The following TASP1 variants were observed in gnomAD, a reference collection of about 807,000 sequenced individuals.
The protein encoded by TASP1 is threonine aspartase 1.
In TASP1, 16 loss-of-function variants were observed where a neutral mutation model predicts 56.6. That is an observed-to-expected ratio of 0.28 (90% CI 0.19 to 0.43). The LOEUF (loss-of-function observed/expected upper bound fraction) is 0.43, where lower values mean the gene tolerates loss of function less well. Among genes scored for constraint, TASP1 ranks in the 20% least tolerant of loss-of-function variants. The pLI is 1.00. For synonymous variants in TASP1, 179 were observed against 184.2 expected, an observed-to-expected ratio of 0.97 and a Z score of 0.23; for missense variants, 393 against 511.6, an observed-to-expected ratio of 0.77 and a Z score of 2.24.
chr20:13,595,533 C>T (rs2047695316), intron 4 of TASP1, among the ~76,000 whole-genome samples: 1 of 152,054 alleles, frequency 6.6e-6, no homozygotes, highest in African/African-American at 2.4e-5. Context: ...GGAGGAAGAT[C>T]TAACAAGCAA....
At chr20:13,364,525 T>A in the TASP1 span, among the ~76,000 whole-genome samples, 8 of 152,200 alleles carry the variant, frequency 5.3e-5, no homozygotes, top group Admixed American at 2.0e-4. Context: ...TTTGTCCCCA[T>A]AGTGACCAAA....
chr20:13,306,275 CTA>C, the TASP1 span, among the ~76,000 whole-genome samples: 1 of 151,908 alleles, frequency 6.6e-6, no homozygotes, highest in Non-Finnish European at 1.5e-5. Context: ...AATTTTTTTT[CTA>C]TGTTGTTTAG....
the TASP1 span, among the ~76,000 whole-genome samples, chr20:13,352,654 T>A: frequency 6.6e-6 from 1 of 152,212 alleles, no homozygotes; most frequent in Non-Finnish European, 1.5e-5. Flanking sequence ...GTGGCCTTTT[T>A]TAATTGTCAT....
the TASP1 span, among the ~76,000 whole-genome samples, chr20:13,344,239 T>C: frequency 6.6e-6 from 1 of 151,972 alleles, no homozygotes; most frequent in African/African-American, 2.4e-5. Context: ...GGGACAGTCT[T>C]AGGGACGACC....
At chr20:13,557,225 AC>A (rs2046187031) in intron 8 of TASP1, among the ~76,000 whole-genome samples, 1 of 152,242 alleles carries the variant, frequency 6.6e-6, no homozygotes, top group Non-Finnish European at 1.5e-5. Context: ...CAACAGGAAA[AC>A]GGATAAACAA....
the TASP1 span, among the ~76,000 whole-genome samples, chr20:13,343,883 G>A: frequency 6.8e-6 from 1 of 146,696 alleles, no homozygotes; most frequent in African/African-American, 2.6e-5. Flanking sequence ...TCCCAAACCT[G>A]ACTGGGCAGC....
chr20:13,614,796 T>C (rs575261384), intron 4 of TASP1: 23 of 469,540 alleles, frequency 4.9e-5, no homozygotes, highest in South Asian at 3.6e-4. Context: ...GTTTTAAACT[T>C]TGTTTTAGTT....
the TASP1 span, chr20:13,126,819 C>A: frequency 2.8e-6 from 4 of 1,419,762 alleles, no homozygotes; most frequent in African/African-American, 1.4e-5. Context: ...CTTATAGAAC[C>A]CTATTTGTAA....
At chr20:13,538,616 C>CT (rs2146929233) in intron 8 of TASP1, among the ~76,000 whole-genome samples, 1 of 152,276 alleles carries the variant, frequency 6.6e-6, no homozygotes, top group Admixed American at 6.5e-5. Context: ...TTTCACATCT[C>CT]TGAGTATCCT....
At chr20:13,167,295 A>T in the TASP1 span, 142 of 149,318 alleles carry the variant, frequency 9.5e-4, no homozygotes, top group African/African-American at 3.4e-3. Context: ...TTGATTATTG[A>T]GTCTTGATAA....
At chr20:13,248,162 A>C in the TASP1 span, among the ~76,000 whole-genome samples, 1 of 152,136 alleles carries the variant, frequency 6.6e-6, no homozygotes, top group African/African-American at 2.4e-5. Flanking sequence ...ATAGTAGTAC[A>C]TTTCTTTGTG....
At chr20:13,500,015 T>C (rs2043885441) in intron 10 of TASP1, among the ~76,000 whole-genome samples, 1 of 151,408 alleles carries the variant, frequency 6.6e-6, no homozygotes, top group African/African-American at 2.4e-5. Context: ...GGTTGAAAAA[T>C]TACCTACTGG....
chr20:13,421,953 C>CTTTTTTTTTTTTT (rs1179688722), intron 12 of TASP1, among the ~76,000 whole-genome samples: 26 of 139,036 alleles, frequency 1.9e-4, no homozygotes, highest in African/African-American at 4.9e-4. Flanking sequence ...TCTGTTTAAC[C>CTTTTTTTTTTTTT]TTTTTTTTTT....
chr20:13,223,499 C>T, the TASP1 span, among the ~76,000 whole-genome samples: 1 of 152,192 alleles, frequency 6.6e-6, no homozygotes, highest in African/African-American at 2.4e-5. Context: ...AAAGTTCAGA[C>T]ATTCCAAACT....
chr20:13,270,718 T>G, the TASP1 span: 3 of 1,613,766 alleles, frequency 1.9e-6, no homozygotes, highest in African/African-American at 4.0e-5. Flanking sequence ...AAAGCTGATA[T>G]CAATGGGCAG....
chr20:13,181,740 T>C, the TASP1 span, among the ~76,000 whole-genome samples: 1 of 152,182 alleles, frequency 6.6e-6, no homozygotes, highest in Admixed American at 6.5e-5. Flanking sequence ...CACCTCTTTT[T>C]AGATGAGTTG....
the TASP1 span, among the ~76,000 whole-genome samples, chr20:13,323,342 C>G: frequency 6.6e-6 from 1 of 152,136 alleles, no homozygotes. Context: ...TCAGGCGGAG[C>G]AAGGCAAGAA....
intron 6 of TASP1, among the ~76,000 whole-genome samples, chr20:13,573,951 C>T (rs1428537489): frequency 6.6e-6 from 1 of 152,014 alleles, no homozygotes; most frequent in Non-Finnish European, 1.5e-5. Flanking sequence ...GTCGGGCATC[C>T]AGAGAGGCCA....
chr20:13,315,305 C>T, the TASP1 span, among the ~76,000 whole-genome samples: 1 of 151,942 alleles, frequency 6.6e-6, no homozygotes, highest in Non-Finnish European at 1.5e-5. Context: ...ACAAGGAATC[C>T]ACTTTAAATA....
Sources: allele counts gnomAD v4.1 joint callset (sites outside exome capture counted in the v4.1 genomes callset), GRCh38; gene constraint gnomAD v4.1.1; transcripts MANE v1.5; gene names NCBI Gene and HGNC (gene_info 2026-07-23, HGNC 2026-07-21).